CCSER1: variants seen among roughly 807,000 people sequenced by gnomAD.
The protein encoded by CCSER1 is coiled-coil serine rich protein 1, also known as serine-rich coiled-coil domain-containing protein 1.
A neutral mutation model predicts 82.0 loss-of-function variants in CCSER1; 41 were observed. That is an observed-to-expected ratio of 0.50 (90% CI 0.39 to 0.65). The LOEUF is 0.65. CCSER1 is among the 30% of genes least tolerant of loss of function. The pLI, the probability that CCSER1 is intolerant of heterozygous loss-of-function variation, is 0.00. For synonymous variants in CCSER1, 414 were observed against 383.9 expected, an observed-to-expected ratio of 1.08 and a Z score of -0.92; for missense variants, 1,119 against 1,064.2, an observed-to-expected ratio of 1.05 and a Z score of -0.72.
chr4:90,165,144 GCTT>G (rs1730219491), intron 1 of CCSER1, among the ~76,000 whole-genome samples: 1 of 151,990 alleles, frequency 6.6e-6, no homozygotes, highest in Non-Finnish European at 1.5e-5. Flanking sequence ...TAATGCTTAT[GCTT>G]CATTAGTTGA....
At chr4:90,732,571 C>T (rs549862496) in intron 7 of CCSER1, among the ~76,000 whole-genome samples, 1 of 152,202 alleles carries the variant, frequency 6.6e-6, no homozygotes, top group Admixed American at 6.5e-5. Flanking sequence ...ATTGTTTGTA[C>T]AAACTACTTA....
intron 1 of CCSER1, among the ~76,000 whole-genome samples, chr4:90,220,329 C>A (rs1741892770): frequency 6.6e-6 from 1 of 152,014 alleles, no homozygotes. Context: ...CATTTAATTT[C>A]ATCACATTAG....
At chr4:90,221,459 T>C (rs533153937) in intron 1 of CCSER1, among the ~76,000 whole-genome samples, 1 of 152,268 alleles carries the variant, frequency 6.6e-6, no homozygotes, top group Admixed American at 6.5e-5. Context: ...ACCAGGCATT[T>C]TCACACATAG....
chr4:91,217,547 C>T (rs1259705091), intron 10 of CCSER1, among the ~76,000 whole-genome samples: 3 of 151,460 alleles, frequency 2.0e-5, no homozygotes, highest in African/African-American at 7.3e-5. Flanking sequence ...ATACAGAGTG[C>T]CGATTGGTGT....
chr4:91,087,462 C>T lies in CCSER1; in HGVS notation c.2217+1468C>T, dbSNP rs537184569. Among the ~76,000 whole-genome samples the T allele has an allele frequency of 1.8e-3, 274 of 151,924 alleles. 1 individual carries two copies. The highest frequency in any genetic ancestry group is 6.4e-3 in the African/African-American group (265 of 41,476). On this transcript the variant is annotated intron_variant, in intron 10 of 10. Transcript: ENST00000509176. ...TAAATCATATTGCTTATTTTTCTAA[C>T]GTCCTTTGATTTTATTTTTATTATA... is the stretch of plus-strand genomic sequence containing the variant.
intron 8 of CCSER1, among the ~76,000 whole-genome samples, chr4:90,842,900 T>C (rs1025734596): frequency 1.3e-5 from 2 of 152,192 alleles, no homozygotes; most frequent in Admixed American, 6.5e-5. Context: ...GTTTTTATCA[T>C]GTTTGTAGTC....
At chr4:91,170,487 C>A (rs563004581) in intron 10 of CCSER1, among the ~76,000 whole-genome samples, 33 of 152,196 alleles carry the variant, frequency 2.2e-4, no homozygotes, top group African/African-American at 7.9e-4. Flanking sequence ...TCATGAATAA[C>A]CTCTCATAGA....
intron 10 of CCSER1, among the ~76,000 whole-genome samples, chr4:91,095,865 A>G (rs1431243778): frequency 2.0e-5 from 3 of 151,852 alleles, no homozygotes; most frequent in Non-Finnish European, 2.9e-5. Flanking sequence ...AACAATTCTT[A>G]TGTATTCCTG....
intron 10 of CCSER1, among the ~76,000 whole-genome samples, chr4:91,508,218 G>C (rs1234238187): frequency 3.4e-5 from 4 of 118,462 alleles, no homozygotes; most frequent in Admixed American, 1.0e-4. Context: ...TTACCATTAA[G>C]CATGTTGTTA....
intron 1 of CCSER1, among the ~76,000 whole-genome samples, chr4:90,171,750 A>G (rs1287110618): frequency 6.6e-6 from 1 of 151,890 alleles, no homozygotes; most frequent in Non-Finnish European, 1.5e-5. Flanking sequence ...TGTACAGTTA[A>G]AAGAGTTCTG....
chr4:90,559,809 C>CAAAAAAAA lies in CCSER1; in HGVS notation c.1725-68197_1725-68190dup, dbSNP rs1236087772. Among the ~76,000 whole-genome samples, 45 of 39,744 alleles carry CAAAAAAAA rather than the reference C, an allele frequency of 1.1e-3. 1 individual carries two copies. Among genetic ancestry groups the CAAAAAAAA allele is most frequent in the Admixed American group, 2.4e-3 (7 of 2,916 alleles). The allele number at this position is 39,744 out of a possible 152,430, so 26.1% of individuals were successfully genotyped here. A position where few individuals can be genotyped will look rare whatever the true frequency, so the allele number is the denominator to read the frequency against. On this transcript the variant is annotated intron_variant, in intron 5 of 10. Transcript: ENST00000509176. Reference sequence around the variant, plus strand: ...TGGGAGACAGACCGAGACTCCGTCTCAAAAAAAAAAAAAAAAAAAAAAAAA... The same window carrying CAAAAAAAA: ...TGGGAGACAGACCGAGACTCCGTCTCAAAAAAAAAAAAAAAAAAAAAAAAAAAAAAAAA...
intron 10 of CCSER1, among the ~76,000 whole-genome samples, chr4:91,109,083 AC>A (rs1423443727): frequency 6.6e-6 from 1 of 152,052 alleles, no homozygotes. Flanking sequence ...TTGGACTCTG[AC>A]TTGTAGCAAC....
At chr4:90,482,902 A>G (rs1394544468) in intron 5 of CCSER1, among the ~76,000 whole-genome samples, 6 of 152,050 alleles carry the variant, frequency 3.9e-5, no homozygotes, top group Admixed American at 6.6e-5. Flanking sequence ...TTGGTGCAGA[A>G]CTGACTTCAA....
chr4:91,104,445 G>T (rs909632838), intron 10 of CCSER1, among the ~76,000 whole-genome samples: 6 of 152,094 alleles, frequency 3.9e-5, no homozygotes, highest in African/African-American at 1.2e-4. Flanking sequence ...TCCTCTCTTT[G>T]TACTATCTCT....
chr4:91,179,470 G>T (rs1026373533), intron 10 of CCSER1, among the ~76,000 whole-genome samples: 4 of 152,152 alleles, frequency 2.6e-5, no homozygotes, highest in Non-Finnish European at 4.4e-5. Context: ...TTTTCACATA[G>T]TCCCATATTT....
intron 10 of CCSER1, among the ~76,000 whole-genome samples, chr4:91,292,440 G>C (rs373996105): frequency 1.3e-5 from 2 of 151,644 alleles, no homozygotes; most frequent in Non-Finnish European, 2.9e-5. Context: ...TTATGCTTAC[G>C]CTAGATTACT....
chr4:91,509,554 G>A (rs1214970566), intron 10 of CCSER1, among the ~76,000 whole-genome samples: 1 of 152,058 alleles, frequency 6.6e-6, no homozygotes, highest in South Asian at 2.1e-4. Flanking sequence ...TACTATTGCT[G>A]AGTGGAGTGT....
At position 90,374,781 on chromosome 4, in the gene CCSER1, T is replaced by G. The variant is rs367639485; in HGVS notation, c.1510-25255T>G. Among the ~76,000 whole-genome samples, 514 of 152,302 alleles carry G rather than the reference T, an allele frequency of 3.4e-3. 4 individuals carry two copies. The highest frequency in any genetic ancestry group is 0.011 in the African/African-American group (473 of 41,576). ...TAAATCAGCTGACTTTGGCCATACC[T>G]TTATGGACCTTGCAACTAATCATTG... On this transcript the variant is annotated intron_variant, in intron 3 of 10. Transcript: ENST00000509176.
In CCSER1 at chr4:91,032,641, G is replaced by T. The variant is rs546309867; in HGVS notation, c.2173-53309G>T. On this transcript the variant is annotated intron_variant, in intron 9 of 10. Coordinates refer to ENST00000509176, the MANE Select transcript of CCSER1 (RefSeq NM_001145065.2). The stretch of plus-strand genomic sequence containing the variant: ...TGCTGAATGTTTAAAGTAATAACTG[G>T]ATTTGATTGCAGGAAATAGGGAGAT... Among the ~76,000 whole-genome samples the T allele has an allele frequency of 4.4e-4, 67 of 152,286 alleles. No homozygotes were observed. The South Asian group carries it at 0.013, about 30-fold the overall frequency.
Sources: gnomAD v4.1 joint callset for allele counts (sites outside exome capture counted in the v4.1 genomes callset) on GRCh38, gnomAD v4.1.1 for gene constraint, MANE v1.5 for transcripts, NCBI Gene and HGNC (gene_info 2026-07-23, HGNC 2026-07-21) for gene names.